LTBP1: variants seen among roughly 807,000 people sequenced by gnomAD.
LTBP1 encodes the protein latent-transforming growth factor beta-binding protein 1.
LTBP1 carries 129 observed loss-of-function variants against 207.6 expected under a neutral mutation model. The ratio of observed to expected loss-of-function variants is 0.62; its 90% CI spans 0.54 to 0.72. The LOEUF is 0.72. LTBP1 is among the 30% of genes least tolerant of loss of function. The probability of loss-of-function intolerance (pLI) is 0.00; values close to 1 mark genes in which losing one functional copy is unlikely to be tolerated. For synonymous variants in LTBP1, 963 were observed against 833.7 expected (o/e 1.16, Z -2.67); for missense variants, 2,281 against 2,217.2 (o/e 1.03, Z -0.58).
At chr2:33,313,297 T>C (rs1405479486) in intron 23 of LTBP1, among the ~76,000 whole-genome samples, 2 of 152,228 alleles carry the variant, frequency 1.3e-5, no homozygotes, top group African/African-American at 2.4e-5. Context: ...TGAATTATGT[T>C]GCAGATGGAA....
At position 33,257,400 on chromosome 2, in the gene LTBP1, A is replaced by C; in HGVS notation, c.2284A>C (p.Thr762Pro). 3.1e-6 allele frequency: 5 copies of C among 1,614,178 alleles called. No individual in the cohort carries two copies. Among genetic ancestry groups the C allele is most frequent in the Non-Finnish European group, 4.2e-6 (5 of 1,180,010 alleles). Reference protein sequence around the residue: ...KGPVFVKPKNTQPVAKSTHPP... With the variant: ...KGPVFVKPKNPQPVAKSTHPP... ...ACCTGTATTTGTCAAGCCAAAGAAC[A>C]CTCAACCTGTTGCTAAAAGTACTCA... Residue 762 changes from threonine to proline, a missense_variant, in exon 12 of 34, where the codon ACT becomes CCT. Thr to Pro is a conservative substitution (Grantham distance 38). This residue lies in a region of LTBP1 where 1,671 missense variants were observed against 1,634.8 expected (regional missense o/e 1.02). Coordinates refer to ENST00000404816, the MANE Select transcript of LTBP1 (RefSeq NM_206943.4).
chr2:33,155,673 CT>C (rs1049108555), intron 5 of LTBP1, among the ~76,000 whole-genome samples: 2 of 152,134 alleles, frequency 1.3e-5, no homozygotes, highest in Non-Finnish European at 2.9e-5. Context: ...GGTCTAAAAA[CT>C]TTTCTCCTTT....
intron 24 of LTBP1, among the ~76,000 whole-genome samples, chr2:33,323,005 A>G (rs773250755): frequency 6.6e-6 from 1 of 151,954 alleles, no homozygotes; most frequent in Non-Finnish European, 1.5e-5. Flanking sequence ...TGTTTTCTGT[A>G]TTTTTTACAG....
chr2:33,141,779 C>T (rs1378600786), intron 5 of LTBP1, among the ~76,000 whole-genome samples: 2 of 152,114 alleles, frequency 1.3e-5, no homozygotes, highest in African/African-American at 2.4e-5. Flanking sequence ...CCGTGGAGCA[C>T]CCCCCAAAAA....
At chr2:33,098,495 C>T (rs1342613470) in intron 3 of LTBP1, among the ~76,000 whole-genome samples, 6 of 152,110 alleles carry the variant, frequency 3.9e-5, no homozygotes, top group Admixed American at 2.0e-4. Flanking sequence ...TGCAGTGGTG[C>T]GATCTCGGCT....
At position 33,187,061 on chromosome 2, in the gene LTBP1, T is replaced by G; in HGVS notation, c.1407T>G (p.Thr469=). ...HSTHTLPLTV[T]SQQGVKVKFP... is the part of the protein sequence containing the mutation. ...CACATACCTTGCCTCTGACCGTGACTAGCCAGCAAGGAGTCAAAGGTAAGC... is the reference window on the plus strand; with the variant it reads ...CACATACCTTGCCTCTGACCGTGACGAGCCAGCAAGGAGTCAAAGGTAAGC... Residue 469 remains threonine, a synonymous_variant, in exon 6 of 34, where the codon ACT becomes ACG. Coordinates refer to ENST00000404816, the MANE Select transcript of LTBP1 (RefSeq NM_206943.4). The G allele has an allele frequency of 2.5e-6, 4 of 1,614,122 alleles. No homozygotes were observed. Among genetic ancestry groups the G allele is most frequent in the Non-Finnish European group, 3.4e-6 (4 of 1,179,964 alleles).
At chr2:33,139,978 C>T (rs1424589683) in intron 5 of LTBP1, among the ~76,000 whole-genome samples, 3 of 152,176 alleles carry the variant, frequency 2.0e-5, no homozygotes, top group Non-Finnish European at 2.9e-5. Context: ...GAAGTTGATA[C>T]TTGTCATTTT....
chr2:33,398,575 A>G lies in LTBP1; in HGVS notation c.*30A>G, dbSNP rs1313614281. On this transcript the variant is annotated 3_prime_UTR_variant, in exon 34 of 34. Coordinates refer to ENST00000404816, the MANE Select transcript of LTBP1 (RefSeq NM_206943.4). ...GAATCTACATAACCTAAGCCCATAT[A>G]CTCTGCACTGTGTAAAGGAAAAGGG... 3 of 1,589,570 alleles carry G rather than the reference A, an allele frequency of 1.9e-6. No homozygotes were observed. The highest frequency in any genetic ancestry group is 1.7e-6 in the Non-Finnish European group (2 of 1,165,462).
intron 2 of LTBP1, among the ~76,000 whole-genome samples, chr2:32,963,907 A>G (rs967880197): frequency 6.6e-6 from 1 of 152,204 alleles, no homozygotes; most frequent in Non-Finnish European, 1.5e-5. Flanking sequence ...AAGATATCAA[A>G]AGCGAAGAAT....
chr2:33,213,244 A>G (rs564786920), intron 7 of LTBP1, among the ~76,000 whole-genome samples: 1 of 152,272 alleles, frequency 6.6e-6, no homozygotes, highest in African/African-American at 2.4e-5. Context: ...GATTTGATTT[A>G]GCTAAATATT....
At chr2:33,314,703 T>A (rs1309847345) in intron 23 of LTBP1, among the ~76,000 whole-genome samples, 1 of 152,218 alleles carries the variant, frequency 6.6e-6, no homozygotes, top group Non-Finnish European at 1.5e-5. Flanking sequence ...ATGTCTAGCC[T>A]TGCCCTTAAG....
At chr2:33,001,453 C>T (rs1686053628) in intron 2 of LTBP1, among the ~76,000 whole-genome samples, 1 of 134,836 alleles carries the variant, frequency 7.4e-6, no homozygotes, top group Non-Finnish European at 1.6e-5. Flanking sequence ...GTGACCACAC[C>T]TAGAACAACT....
chr2:33,173,740 G>A (rs1299268482), intron 5 of LTBP1, among the ~76,000 whole-genome samples: 2 of 146,506 alleles, frequency 1.4e-5, no homozygotes, highest in African/African-American at 5.0e-5. Context: ...GATGAACATT[G>A]ATGCAAAAAT....
intron 4 of LTBP1, among the ~76,000 whole-genome samples, chr2:33,126,813 A>G (rs1045067488): frequency 6.6e-6 from 1 of 152,102 alleles, no homozygotes; most frequent in South Asian, 2.1e-4. Flanking sequence ...TGAGCCAGAG[A>G]GAAGTTTGTA....
chr2:33,318,173 C>G (rs2094300362), intron 24 of LTBP1, among the ~76,000 whole-genome samples: 1 of 152,132 alleles, frequency 6.6e-6, no homozygotes, highest in African/African-American at 2.4e-5. Context: ...TGAAATACTT[C>G]TAGCCCTAAG....
chr2:33,081,025 C>T (rs2078360848), intron 3 of LTBP1, among the ~76,000 whole-genome samples: 1 of 152,046 alleles, frequency 6.6e-6, no homozygotes, highest in African/African-American at 2.4e-5. Flanking sequence ...ACAGGGAAAC[C>T]TCTATATTTT....
chr2:33,031,096 G>T (rs2075670788), intron 3 of LTBP1, among the ~76,000 whole-genome samples: 1 of 151,752 alleles, frequency 6.6e-6, no homozygotes, highest in Admixed American at 6.5e-5. Flanking sequence ...TAGTACTCTG[G>T]TTTTTTTTAT....
intron 3 of LTBP1, among the ~76,000 whole-genome samples, chr2:33,024,744 A>AG (rs1417713218): frequency 6.6e-6 from 1 of 152,192 alleles, no homozygotes; most frequent in East Asian, 1.9e-4. Flanking sequence ...GGGTGTATCC[A>AG]GGGGAGGCAA....
At chr2:33,081,045 T>G (rs12712336) in intron 3 of LTBP1, among the ~76,000 whole-genome samples, 4,602 of 152,238 alleles carry the variant, frequency 0.03, 86 homozygotes, top group South Asian at 0.056. Context: ...TATGCTTAGA[T>G]TAGATGAAGA....
Sources: gnomAD v4.1 joint callset for allele counts (sites outside exome capture counted in the v4.1 genomes callset) on GRCh38, gnomAD v4.1.1 for gene constraint, gnomAD v4.1.1 regional missense constraint, MANE v1.5 for transcripts, NCBI Gene and HGNC (gene_info 2026-07-23, HGNC 2026-07-21) for gene names.